APBB2: variants seen among roughly 807,000 people sequenced by gnomAD.
APBB2 encodes the protein Fe65-like 1.
APBB2 carries 38 observed loss-of-function variants against 82.5 expected under a neutral mutation model. That is an observed-to-expected ratio of 0.46 (90% CI 0.36 to 0.60). The LOEUF (loss-of-function observed/expected upper bound fraction) is 0.60. Ranked by LOEUF, APBB2 falls within the 20% of genes least tolerant of loss-of-function variation. The pLI is 0.00. For synonymous variants in APBB2, 341 were observed against 368.2 expected, an observed-to-expected ratio of 0.93 and a Z score of 0.85; for missense variants, 772 against 972.3, an observed-to-expected ratio of 0.79 and a Z score of 2.74.
At chr4:41,085,931 C>T (rs1183753621) in intron 3 of APBB2, among the ~76,000 whole-genome samples, 3 of 151,682 alleles carry the variant, frequency 2.0e-5, no homozygotes, top group African/African-American at 7.3e-5. Context: ...AAAAGACTGA[C>T]AAAATTGACA....
At position 40,891,984 on chromosome 4, in the gene APBB2, C is replaced by G. The variant is rs7665225; in HGVS notation, c.1401+1281G>C. Among the ~76,000 whole-genome samples the G allele has an allele frequency of 2.0e-3, 301 of 148,156 alleles. 1 individual carries two copies. Among genetic ancestry groups the G allele is most frequent in the African/African-American group, 6.9e-3 (275 of 40,110 alleles). On this transcript the variant is annotated intron_variant, in intron 11 of 17. Transcript: ENST00000508593. ...TTTTTTTTTTTGAGATAGAGTCTCA[C>G]TTTGTCACCCAGGCTGGAGTGCAAT...
intron 3 of APBB2, among the ~76,000 whole-genome samples, chr4:41,078,033 A>G (rs1056336668): frequency 5.9e-5 from 9 of 152,250 alleles, no homozygotes; most frequent in African/African-American, 2.2e-4. Flanking sequence ...TACAAGAAAG[A>G]AAATAAAATA....
At chr4:40,823,611 G>A in intron 16 of APBB2, 33 bp downstream of exon 16, 1 of 1,456,672 alleles carries the variant, frequency 6.9e-7, no homozygotes, top group Non-Finnish European at 9.6e-7. Context: ...CACTGTATAA[G>A]ACACACCAAT....
intron 12 of APBB2, among the ~76,000 whole-genome samples, chr4:40,881,779 C>T (rs559449422): frequency 6.6e-6 from 1 of 151,988 alleles, no homozygotes; most frequent in Non-Finnish European, 1.5e-5. Context: ...AGTGATCCGC[C>T]TGCCTCGGCC....
At chr4:41,162,734 C>T (rs1348155896) in intron 1 of APBB2, among the ~76,000 whole-genome samples, 3 of 151,994 alleles carry the variant, frequency 2.0e-5, no homozygotes, top group Non-Finnish European at 4.4e-5. Context: ...CATACACCTG[C>T]GGTCCCAGCA....
chr4:41,021,103 C>A (rs1295796336), intron 5 of APBB2, among the ~76,000 whole-genome samples: 1 of 152,140 alleles, frequency 6.6e-6, no homozygotes. Flanking sequence ...AAATTTGTTT[C>A]CTCTGGGATT....
chr4:41,174,669 G>A (rs1391367511), intron 1 of APBB2, among the ~76,000 whole-genome samples: 1 of 152,096 alleles, frequency 6.6e-6, no homozygotes, highest in Non-Finnish European at 1.5e-5. Flanking sequence ...TCGCTTCATT[G>A]ACCAACTCCA....
rs1809050116 is a variant in APBB2, at chr4:41,013,707, C to A, written c.711G>T (p.Pro237=). Reference sequence around the variant, plus strand: ...CACAGTCGGTTTTGGCCCCTGTTTTCGGATGATCCTTCTTGGTTTCTGGGC... The same window carrying A: ...CACAGTCGGTTTTGGCCCCTGTTTTAGGATGATCCTTCTTGGTTTCTGGGC... ...SSSPETKKDH[P]KTGAKTDCAL... is the part of the protein sequence containing the mutation. Residue 237 remains proline (P), a synonymous_variant, in exon 6 of 18, where the codon CCG becomes CCT. Coordinates refer to ENST00000508593, the MANE Select transcript of APBB2 (RefSeq NM_004307.2). The A allele has an allele frequency of 1.2e-6, 2 of 1,614,082 alleles. No homozygotes were observed. Among genetic ancestry groups the A allele is most frequent in the East Asian group, 4.5e-5 (2 of 44,870 alleles).
chr4:41,103,747 C>T (rs1038442874), intron 2 of APBB2, among the ~76,000 whole-genome samples: 22 of 152,086 alleles, frequency 1.4e-4, no homozygotes, highest in Non-Finnish European at 2.9e-4. Context: ...TTTTTACCCC[C>T]ACTTTAACGT....
At chr4:41,124,614 C>T (rs1284978738) in intron 2 of APBB2, among the ~76,000 whole-genome samples, 1 of 152,166 alleles carries the variant, frequency 6.6e-6, no homozygotes, top group African/African-American at 2.4e-5. Flanking sequence ...TTGCTGATCT[C>T]TGGTTTAAAT....
At chr4:40,964,947 C>G (rs897558489) in intron 6 of APBB2, among the ~76,000 whole-genome samples, 1 of 151,902 alleles carries the variant, frequency 6.6e-6, no homozygotes, top group Non-Finnish European at 1.5e-5. Context: ...AGTGAAACCC[C>G]GTCTCTACTA....
intron 1 of APBB2, among the ~76,000 whole-genome samples, chr4:41,165,049 T>C (rs1373747311): frequency 6.6e-6 from 1 of 152,130 alleles, no homozygotes; most frequent in Non-Finnish European, 1.5e-5. Context: ...ATAAACCACT[T>C]CCCAAAGCCA....
At chr4:40,959,143 A>T (rs1792433903) in intron 6 of APBB2, among the ~76,000 whole-genome samples, 1 of 152,218 alleles carries the variant, frequency 6.6e-6, no homozygotes, top group South Asian at 2.1e-4. Flanking sequence ...CATTAAGCTA[A>T]GTGTAACTGC....
At chr4:41,087,995 C>A (rs897228181) in intron 3 of APBB2, among the ~76,000 whole-genome samples, 12 of 152,296 alleles carry the variant, frequency 7.9e-5, no homozygotes, top group African/African-American at 2.9e-4. Context: ...GTAACCGTCA[C>A]CTTCAGATAC....
rs911600054 is a variant in APBB2, at chr4:40,813,390, C to T, written c.*2702G>A. The T allele has an allele frequency of 1.3e-5, 2 of 152,016 alleles. No individual in the cohort carries two copies. The highest frequency in any genetic ancestry group is 2.9e-5 in the Non-Finnish European group (2 of 68,010). The allele number at this position is 152,016 out of a possible 1,614,324, so 9.4% of individuals were successfully genotyped here. ...ATCGTGAACATGGCTGCCTGTTTACCGAATCACAGATCTAAAGAATGCATA... is the reference window on the plus strand; with the variant it reads ...ATCGTGAACATGGCTGCCTGTTTACTGAATCACAGATCTAAAGAATGCATA... On this transcript the variant is annotated 3_prime_UTR_variant, in exon 18 of 18. Transcript: ENST00000508593.
chr4:41,084,237 C>G (rs1738804338), intron 3 of APBB2, among the ~76,000 whole-genome samples: 1 of 152,046 alleles, frequency 6.6e-6, no homozygotes, highest in African/African-American at 2.4e-5. Flanking sequence ...CCAGCCTGGC[C>G]AACATGAAGA....
rs183145988 is a variant in APBB2 at position 41,029,823 on chromosome 4, G to A, written c.19+3413C>T. ...GCAGAGGGTCTTATGAGAACACCAT[G>A]TTAGGGATGAGGAGAGAGGTTCAGG... On this transcript the variant is annotated intron_variant, in intron 5 of 17. Transcript: ENST00000508593. 9.2e-4 allele frequency among the ~76,000 whole-genome samples: 140 copies of A among 152,268 alleles called. 1 individual carries two copies. In the Middle Eastern group the frequency reaches 0.031, roughly 33 times the overall value.
intron 1 of APBB2, among the ~76,000 whole-genome samples, chr4:41,169,677 T>C (rs914071722): frequency 6.6e-6 from 1 of 152,230 alleles, no homozygotes; most frequent in Non-Finnish European, 1.5e-5. Context: ...GCCTGCGATA[T>C]GGTAAAATCG....
intron 6 of APBB2, among the ~76,000 whole-genome samples, chr4:40,979,684 G>A (rs1417103704): frequency 6.6e-6 from 1 of 152,150 alleles, no homozygotes; most frequent in Admixed American, 6.5e-5. Context: ...GCAGCCTCTG[G>A]GGATGGAAAG....
Sources: gnomAD v4.1 joint callset for allele counts (sites outside exome capture counted in the v4.1 genomes callset) on GRCh38, gnomAD v4.1.1 for gene constraint, MANE v1.5 for transcripts, NCBI Gene and HGNC (gene_info 2026-07-23, HGNC 2026-07-21) for gene names.